Variants in ZBED6 observed in about 807,000 individuals in gnomAD.
ZBED6 encodes the protein zinc finger BED domain-containing protein 6.
A neutral mutation model predicts 58.4 loss-of-function variants in ZBED6; 40 were observed. The observed-to-expected ratio is 0.68, with a 90% CI of 0.53 to 0.89. The LOEUF (loss-of-function observed/expected upper bound fraction) is 0.89. Ranked by LOEUF, ZBED6 falls within the 40% of genes least tolerant of loss-of-function variation. The pLI is 0.00. For missense variants in ZBED6, 1,057 were observed against 1,003.9 expected, an observed-to-expected ratio of 1.05 and a Z score of -0.71; for synonymous variants, 439 against 350.6, an observed-to-expected ratio of 1.25 and a Z score of -2.82.
exon 1 of ZBED6, chr1:203,798,830 C>T: frequency 6.5e-7 from 1 of 1,536,146 alleles, no homozygotes; most frequent in Non-Finnish European, 8.7e-7. Context: ...TTCAGAGGTT[C>T]ATGCAGATTG....
At chr1:203,817,011 G>C in exon 2 of ZBED6, 2 of 1,314,834 alleles carry the variant, frequency 1.5e-6, no homozygotes, top group Non-Finnish European at 1.1e-6. Context: ...CCTGGTCCTT[G>C]CTTTGAGGAA....
chr1:203,808,646 G>T (rs1369817885), intron 1 of ZBED6, among the ~76,000 whole-genome samples: 3 of 151,996 alleles, frequency 2.0e-5, no homozygotes, highest in Non-Finnish European at 4.4e-5. Flanking sequence ...TTTTGGTTTG[G>T]ATTCGTGGAG....
At chr1:203,848,658 C>T (rs1040303699) in intron 13 of ZBED6, among the ~76,000 whole-genome samples, 2 of 152,110 alleles carry the variant, frequency 1.3e-5, no homozygotes, top group Admixed American at 6.6e-5. Flanking sequence ...GAGGCTGAGG[C>T]GGGCGGATCA....
At chr1:203,846,803 T>G (rs1421684583) in intron 11 of ZBED6, among the ~76,000 whole-genome samples, 1 of 152,166 alleles carries the variant, frequency 6.6e-6, no homozygotes, top group East Asian at 1.9e-4. Flanking sequence ...AGAGTTTTCC[T>G]TGAGGACCAC....
chr1:203,805,820 T>C, intron 1 of ZBED6: 1 of 873,040 alleles, frequency 1.1e-6, no homozygotes, highest in Non-Finnish European at 1.9e-6. Context: ...CCGCCATAAC[T>C]GCGACTCAGT....
intron 7 of ZBED6, 49 bp from the exon 8 acceptor site, chr1:203,831,612 G>A (rs1416636567): frequency 6.6e-7 from 1 of 1,525,342 alleles, no homozygotes; most frequent in African/African-American, 1.4e-5. Flanking sequence ...ACTTGGGATA[G>A]CATTATTTTC....
chr1:203,795,960 C>T (rs1413499741), exon 1 of ZBED6: 1 of 151,484 alleles, frequency 6.6e-6, no homozygotes, highest in African/African-American at 2.4e-5. Context: ...CCCCCCACCT[C>T]CCGGTCGCGG....
chr1:203,819,316 G>A (rs1471637255), intron 3 of ZBED6, among the ~76,000 whole-genome samples: 7 of 147,810 alleles, frequency 4.7e-5, no homozygotes, highest in South Asian at 4.3e-4. Flanking sequence ...CCACCTCCCA[G>A]GTTCAAGCGA....
intron 1 of ZBED6, among the ~76,000 whole-genome samples, chr1:203,805,204 G>C (rs538498229): frequency 1.4e-5 from 2 of 147,678 alleles, no homozygotes; most frequent in African/African-American, 5.0e-5. Flanking sequence ...GGGTGATCTT[G>C]GCTCACTGGA....
exon 1 of ZBED6, chr1:203,796,203 A>C (rs1668431581): frequency 2.6e-6 from 1 of 385,812 alleles, no homozygotes; most frequent in South Asian, 1.4e-4. Flanking sequence ...CTTCGGGGCA[A>C]CAGTTTCTCT....
At position 203,797,623 on chromosome 1, in the gene ZBED6, A is replaced by T. The variant is rs770075808; in HGVS notation, c.101A>T (p.Asn34Ile). The stretch of plus-strand genomic sequence containing the variant: ...GGGATTCTGGGATGTGTTCCTATTA[A>T]TTCTAATACAGATGAAGAAGATGTG... The change falls in exon 1 of 17, where the codon AAT (asparagine) becomes ATT (isoleucine). Residue 34 changes from asparagine to isoleucine, a missense_variant. Physicochemically the swap from Asn to Ile is moderately radical, Grantham distance 149 (BLOSUM62 -3). Coordinates refer to ENST00000550078, the Ensembl canonical transcript of ZBED6. The T allele has an allele frequency of 7.7e-5, 118 of 1,535,938 alleles. No homozygotes were observed. The highest frequency in any genetic ancestry group is 9.6e-5 in the Non-Finnish European group (110 of 1,146,912).
exon 12 of ZBED6, chr1:203,847,682 G>A (rs764590277): frequency 6.2e-7 from 1 of 1,611,948 alleles, no homozygotes; most frequent in Non-Finnish European, 8.5e-7. Flanking sequence ...ATCACCAAAA[G>A]AACAGGTAAC....
In ZBED6 at chr1:203,810,148, T is replaced by C. The variant is rs559676500; in HGVS notation, c.*2555-6778T>C. On this transcript the variant is annotated intron_variant, in intron 1 of 16. Transcript: ENST00000550078. ...TGGTGTTTTTTTTGTTTTTGTTTTT[T>C]GTTTTTTTTTTAAGAGATGAGGTCT... Among the ~76,000 whole-genome samples the C allele has an allele frequency of 1.6e-4, 24 of 152,074 alleles. 1 individual carries two copies. Among genetic ancestry groups the C allele is most frequent in the Admixed American group, 1.4e-3 (21 of 15,270 alleles).
intron 16 of ZBED6, among the ~76,000 whole-genome samples, chr1:203,851,569 A>G (rs1689270116): frequency 6.6e-6 from 1 of 152,200 alleles, no homozygotes; most frequent in East Asian, 1.9e-4. Context: ...ACGTCAAGTG[A>G]TCCACCTTCC....
At chr1:203,833,761 G>A (rs1683276983) in intron 8 of ZBED6, 30 bp from the exon 9 acceptor site, 3 of 1,598,532 alleles carry the variant, frequency 1.9e-6, no homozygotes, top group Non-Finnish European at 2.6e-6. Flanking sequence ...ATTGACTAAG[G>A]ATAGAGAAAT....
intron 14 of ZBED6, 65 bp downstream of exon 14, chr1:203,850,091 G>A (rs1336032616): frequency 5.1e-5 from 76 of 1,477,168 alleles, no homozygotes; most frequent in Admixed American, 2.1e-5. Context: ...CCCAATTGTT[G>A]CCAGTAACTT....
intron 2 of ZBED6, among the ~76,000 whole-genome samples, chr1:203,817,351 A>G (rs917769857): frequency 6.6e-6 from 1 of 152,112 alleles, no homozygotes; most frequent in African/African-American, 2.4e-5. Context: ...GTGAAAAGGC[A>G]CGTGGCATGT....
intron 1 of ZBED6, among the ~76,000 whole-genome samples, chr1:203,812,285 C>T (rs962459369): frequency 3.3e-5 from 5 of 152,136 alleles, no homozygotes; most frequent in African/African-American, 1.2e-4. Context: ...CACCTTCTAC[C>T]TTCTGATAGG....
intron 11 of ZBED6, among the ~76,000 whole-genome samples, chr1:203,843,664 C>A (rs1436108114): frequency 1.3e-5 from 2 of 152,166 alleles, no homozygotes; most frequent in African/African-American, 2.4e-5. Context: ...TCTAGCAAAA[C>A]TTCATTTACA....
Sources: allele counts gnomAD v4.1 joint callset (sites outside exome capture counted in the v4.1 genomes callset), GRCh38; gene constraint gnomAD v4.1.1; transcripts MANE v1.5; gene names NCBI Gene and HGNC (gene_info 2026-07-23, HGNC 2026-07-21).